The following HACE1 variants were observed in gnomAD, a reference collection of about 807,000 sequenced individuals.
HACE1 encodes HECT domain and ankyrin repeat containing E3 ubiquitin protein ligase 1.
In HACE1, 73 loss-of-function variants were observed where a neutral mutation model predicts 118.4. That is an observed-to-expected ratio of 0.62 (90% CI 0.51 to 0.75). The LOEUF is 0.75. HACE1 is among the 30% of genes least tolerant of loss of function. The pLI is 0.00. For missense variants in HACE1, 749 were observed against 1,102.2 expected (o/e 0.68, Z 4.54); for synonymous variants, 368 against 374.8 (o/e 0.98, Z 0.21).
At chr6:104,816,176 G>A (rs1399374932) in intron 6 of HACE1, among the ~76,000 whole-genome samples, 1 of 152,208 alleles carries the variant, frequency 6.6e-6, no homozygotes, top group African/African-American at 2.4e-5. Flanking sequence ...ATTCAAGCCA[G>A]CTGCAGAAGT....
chr6:104,798,427 G>A lies in HACE1; in HGVS notation c.618-1402C>T, dbSNP rs540607367. Among the ~76,000 whole-genome samples, 6 of 152,068 alleles carry A rather than the reference G, an allele frequency of 3.9e-5. No individual in the cohort carries two copies. The East Asian group carries it at 5.8e-4, about 15-fold the overall frequency. On this transcript the variant is annotated intron_variant, in intron 7 of 23. Transcript: ENST00000262903. ...AAAAAACTTAATAGTATCCTACTAC[G>A]AATCTAGTGCCAGAAAACTCTGCAA...
chr6:104,765,151 G>T (rs999705034), intron 19 of HACE1, among the ~76,000 whole-genome samples: 4 of 152,178 alleles, frequency 2.6e-5, no homozygotes, highest in South Asian at 2.1e-4. Context: ...CATTATTTTT[G>T]ATGAGAATTT....
intron 17 of HACE1, among the ~76,000 whole-genome samples, chr6:104,774,466 C>A (rs1470913835): frequency 6.6e-6 from 1 of 151,514 alleles, no homozygotes; most frequent in African/African-American, 2.4e-5. Flanking sequence ...CTCACTACAA[C>A]CTCCACCTCC....
intron 5 of HACE1, among the ~76,000 whole-genome samples, chr6:104,833,803 G>A (rs1042905790): frequency 6.6e-6 from 1 of 152,120 alleles, no homozygotes; most frequent in African/African-American, 2.4e-5. Context: ...TGGCCGACAT[G>A]GTGAAACCTT....
At chr6:104,779,787 A>C (rs1315863773) in intron 14 of HACE1, among the ~76,000 whole-genome samples, 1 of 152,132 alleles carries the variant, frequency 6.6e-6, no homozygotes, top group Non-Finnish European at 1.5e-5. Context: ...CTCATCTGTA[A>C]AACAGAGAAA....
At chr6:104,852,416 C>G in intron 1 of HACE1, 45 bp from the exon 2 acceptor site, 1 of 1,136,846 alleles carries the variant, frequency 8.8e-7, no homozygotes. Context: ...CTACTTTGTG[C>G]AAGGGGTGAT....
chr6:104,850,098 C>T (rs79900718), intron 3 of HACE1, among the ~76,000 whole-genome samples: 402 of 151,946 alleles, frequency 2.6e-3, no homozygotes, highest in African/African-American at 9.4e-3. Flanking sequence ...TACAGGCGCA[C>T]GCCATCACGC....
At chr6:104,843,077 C>T (rs1018669639) in intron 5 of HACE1, 146 bp downstream of exon 5, 6 of 657,482 alleles carry the variant, frequency 9.1e-6, no homozygotes, top group Non-Finnish European at 1.7e-5. Flanking sequence ...GACCACCTCA[C>T]TCTAGCCTGA....
At chr6:104,793,050 C>T (rs1019864942) in intron 10 of HACE1, among the ~76,000 whole-genome samples, 7 of 151,950 alleles carry the variant, frequency 4.6e-5, no homozygotes, top group African/African-American at 7.3e-5. Context: ...AGGCAGATCA[C>T]GAGGTCAGGA....
At chr6:104,847,451 A>C (rs1030325673) in intron 4 of HACE1, among the ~76,000 whole-genome samples, 6 of 152,250 alleles carry the variant, frequency 3.9e-5, no homozygotes, top group African/African-American at 1.4e-4. Flanking sequence ...GGCTAATTAT[A>C]AAAACAACTG....
chr6:104,836,223 G>C (rs1488702892), intron 5 of HACE1, among the ~76,000 whole-genome samples: 1 of 152,110 alleles, frequency 6.6e-6, no homozygotes, highest in East Asian at 1.9e-4. Context: ...CCAGCCAAGA[G>C]AGCACAGAAG....
chr6:104,796,207 C>T (rs376414150), intron 9 of HACE1, among the ~76,000 whole-genome samples: 6 of 152,216 alleles, frequency 3.9e-5, no homozygotes, highest in African/African-American at 1.4e-4. Context: ...ACCTCCTGGG[C>T]TCAATCCCTC....
intron 5 of HACE1, among the ~76,000 whole-genome samples, chr6:104,835,670 T>C (rs893499672): frequency 7.9e-5 from 12 of 152,142 alleles, no homozygotes; most frequent in South Asian, 2.1e-4. Context: ...AGTAATAATT[T>C]ATGAATATTT....
At chr6:104,750,587 C>A (rs1777936665) in intron 19 of HACE1, 115 bp from the exon 20 acceptor site, 1 of 940,562 alleles carries the variant, frequency 1.1e-6, no homozygotes, top group Non-Finnish European at 1.6e-6. Flanking sequence ...GACACCAACA[C>A]TCATACATCT....
At chr6:104,795,348 T>C (rs1422612009) in intron 10 of HACE1, among the ~76,000 whole-genome samples, 3 of 152,218 alleles carry the variant, frequency 2.0e-5, no homozygotes, top group East Asian at 1.9e-4. Context: ...TCTAGACACA[T>C]ATGCCCAAAT....
chr6:104,739,683 T>C (rs1193725725), intron 22 of HACE1, among the ~76,000 whole-genome samples: 1 of 151,710 alleles, frequency 6.6e-6, no homozygotes, highest in African/African-American at 2.4e-5. Context: ...CTGAGTGACC[T>C]ACAAAGAGAC....
chr6:104,852,236 TGC>T, intron 2 of HACE1, 79 bp downstream of exon 2: 3 of 673,434 alleles, frequency 4.5e-6, no homozygotes, highest in Non-Finnish European at 5.5e-6. Context: ...TGTGCGCGCG[TGC>T]GCGTGCACGG....
intron 19 of HACE1, among the ~76,000 whole-genome samples, chr6:104,764,339 A>T (rs1347576566): frequency 6.6e-6 from 1 of 152,146 alleles, no homozygotes; most frequent in African/African-American, 2.4e-5. Flanking sequence ...CGGCCTCCCA[A>T]AGTGCTGGGA....
At chr6:104,761,689 T>C (rs1562311667) in intron 19 of HACE1, among the ~76,000 whole-genome samples, 1 of 152,028 alleles carries the variant, frequency 6.6e-6, no homozygotes, top group African/African-American at 2.4e-5. Flanking sequence ...AAAGACAAAA[T>C]TGACAAATGG....
Sources: gnomAD v4.1 joint callset for allele counts (sites outside exome capture counted in the v4.1 genomes callset) on GRCh38, gnomAD v4.1.1 for gene constraint, MANE v1.5 for transcripts, NCBI Gene and HGNC (gene_info 2026-07-23, HGNC 2026-07-21) for gene names.